Variants in BICRA observed in about 807,000 individuals in gnomAD.
The protein encoded by BICRA is BRD4-interacting chromatin-remodeling complex-associated protein.
BICRA carries 31 observed loss-of-function variants against 96.9 expected under a neutral mutation model. The observed-to-expected ratio is 0.32, with a 90% CI of 0.24 to 0.43. The LOEUF is 0.43. Ranked by LOEUF, BICRA falls within the 20% of genes least tolerant of loss-of-function variation. The pLI is 1.00. For synonymous variants in BICRA, 1,350 were observed against 1,071.8 expected (o/e 1.26, Z -5.07); for missense variants, 2,283 against 2,190.3 (o/e 1.04, Z -0.84).
In BICRA at chr19:47,680,746, C is replaced by T. The variant is rs1217650561; in HGVS notation, c.1576C>T (p.Leu526=). ...TNQNLAGPLS[L]GPVLAPHSGA... ...CCAGAACCTGGCGGGCCCACTGAGC[C>T]TGGGCCCCGTGTTGGCCCCCCACTC... The change falls in exon 6 of 15, where the codon CTG becomes TTG. Residue 526 remains leucine (L), a synonymous_variant. Coordinates refer to ENST00000594866, the MANE Select transcript of BICRA (RefSeq NM_001394372.1). The T allele has an allele frequency of 3.1e-6, 5 of 1,608,276 alleles. No individual in the cohort carries two copies. Among genetic ancestry groups the T allele is most frequent in the East Asian group, 2.2e-5 (1 of 44,762 alleles).
In BICRA at chr19:47,702,493, G is replaced by A; in HGVS notation, c.*78G>A. 7.2e-7 allele frequency: 1 copy of A among 1,383,610 alleles called. No individual in the cohort carries two copies. 85.7% of individuals were successfully genotyped at this position (1,383,610 alleles called of 1,614,324 possible). A position where few individuals can be genotyped will look rare whatever the true frequency, so the allele number is the denominator to read the frequency against. ...TCGGGTGTCCGCCCTCAGCCTCCTGGGGACTCGAGCCGGGGATCCCCTGAC... is the reference window on the plus strand; with the variant it reads ...TCGGGTGTCCGCCCTCAGCCTCCTGAGGACTCGAGCCGGGGATCCCCTGAC... On this transcript the variant is annotated 3_prime_UTR_variant, in exon 15 of 15. Coordinates refer to ENST00000594866, the MANE Select transcript of BICRA (RefSeq NM_001394372.1).
chr19:47,664,373 C>T (rs922623385), intron 1 of BICRA, among the ~76,000 whole-genome samples: 1 of 152,136 alleles, frequency 6.6e-6, no homozygotes, highest in Admixed American at 6.6e-5. Flanking sequence ...GTCATTGTTG[C>T]GTCATGGCTG....
At chr19:47,629,868 G>A (rs1972195394) in intron 1 of BICRA, among the ~76,000 whole-genome samples, 1 of 152,128 alleles carries the variant, frequency 6.6e-6, no homozygotes, top group Admixed American at 6.6e-5. Context: ...ATGTTGGCCA[G>A]CGTGGTCTCT....
chr19:47,656,509 C>G (rs2123555685), intron 1 of BICRA, among the ~76,000 whole-genome samples: 1 of 152,240 alleles, frequency 6.6e-6, no homozygotes, highest in East Asian at 1.9e-4. Flanking sequence ...TGGTTAATGT[C>G]TAAGTATTTG....
At position 47,694,565 on chromosome 19, in the gene BICRA, C is replaced by T. The variant is rs530126043; in HGVS notation, c.2734C>T (p.Pro912Ser). 1 of 1,610,846 alleles carries T rather than the reference C, an allele frequency of 6.2e-7. No homozygotes were observed. The highest frequency in any genetic ancestry group is 8.5e-7 in the Non-Finnish European group (1 of 1,178,312). ...TPSDFQLQFP[P>S]SQGPHKSPTP... ...ATCCGACTTCCAGCTCCAGTTCCCACCCAGCCAGGGGCCCCACAAGTCCCC... is the reference window on the plus strand; with the variant it reads ...ATCCGACTTCCAGCTCCAGTTCCCATCCAGCCAGGGGCCCCACAAGTCCCC... Residue 912 changes from proline to serine, a missense_variant, in exon 8 of 15, where the codon CCC becomes TCC. Transcript: ENST00000594866.
chr19:47,638,414 G>T (rs987116899), intron 1 of BICRA, among the ~76,000 whole-genome samples: 3 of 152,132 alleles, frequency 2.0e-5, no homozygotes, highest in South Asian at 2.1e-4. Context: ...GGGAACACAT[G>T]CTCAAGTATA....
intron 1 of BICRA, among the ~76,000 whole-genome samples, chr19:47,652,919 G>A (rs1338231780): frequency 1.3e-5 from 2 of 151,444 alleles, no homozygotes; most frequent in Non-Finnish European, 2.9e-5. Flanking sequence ...TTAAGCAGAT[G>A]GTAACGTTTT....
At chr19:47,657,216 G>C (rs543565410) in intron 1 of BICRA, among the ~76,000 whole-genome samples, 1 of 152,148 alleles carries the variant, frequency 6.6e-6, no homozygotes, top group South Asian at 2.1e-4. Flanking sequence ...TTTTGTGCCA[G>C]GCTTCCTTTG....
intron 1 of BICRA, among the ~76,000 whole-genome samples, chr19:47,616,511 T>C (rs1971986833): frequency 6.6e-6 from 1 of 151,996 alleles, no homozygotes; most frequent in Admixed American, 6.6e-5. Flanking sequence ...TGGTGGCGCA[T>C]GCTTGTAATC....
At chr19:47,658,877 C>T (rs962066896) in intron 1 of BICRA, among the ~76,000 whole-genome samples, 1 of 152,116 alleles carries the variant, frequency 6.6e-6, no homozygotes, top group Admixed American at 6.5e-5. Flanking sequence ...ATTTTTTTCC[C>T]CTGAATTCGA....
chr19:47,610,429 C>A (rs1242650585), intron 1 of BICRA, among the ~76,000 whole-genome samples: 1 of 152,158 alleles, frequency 6.6e-6, no homozygotes, highest in Non-Finnish European at 1.5e-5. Flanking sequence ...CCTCTCCGCG[C>A]CCCTTTGTTT....
At chr19:47,671,444 C>A (rs1026830308) in intron 2 of BICRA, among the ~76,000 whole-genome samples, 11 of 152,196 alleles carry the variant, frequency 7.2e-5, no homozygotes, top group Non-Finnish European at 1.6e-4. Flanking sequence ...ACTCCACGGT[C>A]CTGAGCTGTA....
chr19:47,692,777 G>T (rs1410452564), intron 7 of BICRA, among the ~76,000 whole-genome samples: 1 of 152,222 alleles, frequency 6.6e-6, no homozygotes, highest in Non-Finnish European at 1.5e-5. Flanking sequence ...TGCTGGAAGG[G>T]CCCTGGGACT....
chr19:47,694,035 G>C lies in BICRA; in HGVS notation c.2284-80G>C, dbSNP rs112236254. ...GGGGCTTCTGGCGGGGATGGCTGGGGACCCCAGTGTCTTGGGGCAACAGGA... is the reference window on the plus strand; with the variant it reads ...GGGGCTTCTGGCGGGGATGGCTGGGCACCCCAGTGTCTTGGGGCAACAGGA... On this transcript the variant is annotated intron_variant, in intron 7 of 14. Transcript: ENST00000594866. 85 of 1,426,372 alleles carry C rather than the reference G, an allele frequency of 6.0e-5. No individual in the cohort carries two copies. The African/African-American group carries it at 1.2e-3, about 20-fold the overall frequency. 88.4% of individuals were successfully genotyped at this position (1,426,372 alleles called of 1,614,324 possible).
At chr19:47,640,185 CTATTG>C (rs1972363223) in intron 1 of BICRA, among the ~76,000 whole-genome samples, 2 of 152,156 alleles carry the variant, frequency 1.3e-5, no homozygotes, top group Non-Finnish European at 1.5e-5. Context: ...TACTGAGCTC[CTATTG>C]TATTGTATAC....
At chr19:47,695,611 C>A in intron 10 of BICRA, 137 bp downstream of exon 10, 2 of 613,656 alleles carry the variant, frequency 3.3e-6, no homozygotes, top group Non-Finnish European at 5.9e-6. Context: ...TGAGACACCA[C>A]GAACAGCCGT....
intron 2 of BICRA, among the ~76,000 whole-genome samples, chr19:47,673,343 G>A (rs1485611266): frequency 6.6e-6 from 1 of 152,106 alleles, no homozygotes; most frequent in Non-Finnish European, 1.5e-5. Context: ...ATCATCATCA[G>A]GTGCTGGGAG....
Position 47,695,055 on chromosome 19 carries a change from C to T in BICRA, c.3051C>T (p.Pro1017=), listed in dbSNP as rs547005949. Residue 1017 remains proline (P), a synonymous_variant, in exon 9 of 15, where the codon CCC becomes CCT. Transcript: ENST00000594866. ...SGTPTAPSHA[P]APAPMAATGL... is the part of the protein sequence containing the mutation. ...CCCCCACTGCCCCCAGCCACGCCCC[C>T]GCCCCGGCACCCATGGCCGCCACAG... The T allele has an allele frequency of 3.8e-4, 574 of 1,497,844 alleles. 1 individual carries two copies. Among genetic ancestry groups the T allele is most frequent in the African/African-American group, 3.1e-3 (217 of 70,534 alleles). 92.8% of individuals were successfully genotyped at this position (1,497,844 alleles called of 1,614,324 possible).
At chr19:47,638,386 T>C (rs1469238072) in intron 1 of BICRA, among the ~76,000 whole-genome samples, 1 of 152,150 alleles carries the variant, frequency 6.6e-6, no homozygotes, top group Non-Finnish European at 1.5e-5. Context: ...TGTGCATTTA[T>C]TTGATTTTTT....
Sources: allele counts gnomAD v4.1 joint callset (sites outside exome capture counted in the v4.1 genomes callset), GRCh38; gene constraint gnomAD v4.1.1; transcripts MANE v1.5; gene names NCBI Gene and HGNC (gene_info 2026-07-23, HGNC 2026-07-21).